The following SUDS3 variants were observed in gnomAD, a reference collection of about 807,000 sequenced individuals.
The protein encoded by SUDS3 is SIN3A corepressor complex component SDS3.
In SUDS3, 23 loss-of-function variants were observed where a neutral mutation model predicts 53.5. The ratio of observed to expected loss-of-function variants is 0.43; its 90% CI spans 0.31 to 0.61. The LOEUF is 0.61. Among genes scored for constraint, SUDS3 ranks in the 20% least tolerant of loss-of-function variants. The probability of loss-of-function intolerance (pLI) is 0.10; values close to 1 mark genes in which losing one functional copy is unlikely to be tolerated. For synonymous variants in SUDS3, 150 were observed against 148.5 expected (o/e 1.01, Z -0.08); for missense variants, 291 against 405.9 (o/e 0.72, Z 2.43).
chr12:118,403,220 C>T (rs1219605167), intron 9 of SUDS3, among the ~76,000 whole-genome samples, 192 bp from the exon 10 acceptor site: 2 of 152,170 alleles, frequency 1.3e-5, no homozygotes, highest in Non-Finnish European at 2.9e-5. Flanking sequence ...TTGCCTACTT[C>T]CCAGGGTTGC....
At chr12:118,412,015 C>T (rs559472643) in intron 11 of SUDS3, among the ~76,000 whole-genome samples, 1 of 152,346 alleles carries the variant, frequency 6.6e-6, no homozygotes, top group South Asian at 2.1e-4. Flanking sequence ...CGCCACTTGC[C>T]TGCCGTCTTT....
intron 1 of SUDS3, among the ~76,000 whole-genome samples, chr12:118,378,084 G>T (rs1042086979): frequency 3.3e-5 from 5 of 152,192 alleles, no homozygotes; most frequent in African/African-American, 1.2e-4. Flanking sequence ...ATACCCACGA[G>T]GGGGCGCTGT....
chr12:118,414,276 A>C, intron 11 of SUDS3, 59 bp from the exon 12 acceptor site: 49 of 1,237,328 alleles, frequency 4.0e-5, no homozygotes, highest in Non-Finnish European at 5.5e-5. Context: ...TTGATGGTGT[A>C]GGAGATTTGC....
In SUDS3 at chr12:118,416,114, A is replaced by T. The variant is rs2046398564; in HGVS notation, c.*1681A>T. 1 of 152,170 alleles carries T rather than the reference A, an allele frequency of 6.6e-6. No homozygotes were observed. Among genetic ancestry groups the T allele is most frequent in the Non-Finnish European group, 1.5e-5 (1 of 68,038 alleles). 9.4% of individuals were successfully genotyped at this position (152,170 alleles called of 1,614,324 possible). On this transcript the variant is annotated 3_prime_UTR_variant, in exon 12 of 12. Transcript: ENST00000543473. ...CACCTGTTCTTGTTTGTTAGCCTTG[A>T]CTGTGAGGCAGGACTTCCCTCGCTT... is the stretch of plus-strand genomic sequence containing the variant.
chr12:118,386,549 GT>G (rs909801977), intron 4 of SUDS3, among the ~76,000 whole-genome samples: 12 of 146,752 alleles, frequency 8.2e-5, no homozygotes, highest in South Asian at 2.2e-4. Flanking sequence ...CCCATTTTAA[GT>G]TTTTTTTTTT....
intron 10 of SUDS3, among the ~76,000 whole-genome samples, chr12:118,405,273 A>G (rs558949907): frequency 2.6e-5 from 4 of 152,376 alleles, no homozygotes; most frequent in Admixed American, 6.5e-5. Context: ...TGAGTCTTAA[A>G]GCCATGTGAT....
intron 10 of SUDS3, among the ~76,000 whole-genome samples, chr12:118,410,074 T>TAGCTGTTACCA (rs1182747983): frequency 6.6e-6 from 1 of 152,246 alleles, no homozygotes; most frequent in African/African-American, 2.4e-5. Context: ...TTTGCCTGAT[T>TAGCTGTTACCA]AGCTGTTACC....
chr12:118,393,609 C>T (rs484838), intron 6 of SUDS3, among the ~76,000 whole-genome samples: 63,447 of 151,764 alleles, frequency 0.42, 14,064 homozygotes, highest in Admixed American at 0.5. Context: ...AATGCAGATT[C>T]TGTTTCAGGG....
At chr12:118,382,168 T>C (rs974968086) in intron 2 of SUDS3, among the ~76,000 whole-genome samples, 2 of 152,014 alleles carry the variant, frequency 1.3e-5, no homozygotes, top group South Asian at 4.2e-4. Context: ...GCCTCCTGAG[T>C]AGCTGGGACT....
chr12:118,411,053 G>A lies in SUDS3; in HGVS notation c.804-20G>A. ...TCTCTGTCCCTCCCTTTTTAAAAAT[G>A]TGTGCCTTGTTTTTGTCAGGTACCA... On this transcript the variant is annotated intron_variant, in intron 10 of 11. Transcript: ENST00000543473. 2 of 1,590,890 alleles carry A rather than the reference G, an allele frequency of 1.3e-6. No individual in the cohort carries two copies. The highest frequency in any genetic ancestry group is 1.7e-6 in the Non-Finnish European group (2 of 1,167,766).
intron 10 of SUDS3, chr12:118,404,059 C>T (rs963746466): frequency 1.3e-5 from 2 of 152,466 alleles, no homozygotes; most frequent in Non-Finnish European, 2.9e-5. Flanking sequence ...GATCCAGCTG[C>T]AAAAGTGGTC....
At chr12:118,376,964 C>G (rs2046003161) in intron 1 of SUDS3, 131 bp downstream of exon 1, 1 of 1,202,206 alleles carries the variant, frequency 8.3e-7, no homozygotes, top group Non-Finnish European at 1.1e-6. Context: ...CCGGGAGTTG[C>G]GGGGCTCGGG....
intron 10 of SUDS3, among the ~76,000 whole-genome samples, chr12:118,409,670 C>T (rs1239734941): frequency 6.6e-6 from 1 of 152,198 alleles, no homozygotes. Flanking sequence ...ATGTGTTTTA[C>T]TAAATTTACA....
chr12:118,378,300 G>C (rs1158309050), intron 1 of SUDS3, among the ~76,000 whole-genome samples: 4 of 152,104 alleles, frequency 2.6e-5, no homozygotes, highest in Admixed American at 6.6e-5. Context: ...ATTGTATACA[G>C]TTGGCTCTGC....
In SUDS3 at chr12:118,414,409, G is replaced by C. The variant is rs1485405041; in HGVS notation, c.963G>C (p.Val321=). 5 of 1,598,248 alleles carry C rather than the reference G, an allele frequency of 3.1e-6. No individual in the cohort carries two copies. The highest frequency in any genetic ancestry group is 4.3e-6 in the Non-Finnish European group (5 of 1,172,960). The change falls in exon 12 of 12, where the codon GTG becomes GTC. Residue 321 remains valine, a synonymous_variant. Coordinates refer to ENST00000543473, the MANE Select transcript of SUDS3 (RefSeq NM_022491.3). ...GCCAGCTTCAGCGCGGGCTCTTCGT[G>C]ATCCGCCGGCGCTCAGCTGCTTGAC... The part of the protein sequence containing the change: ...YLGQLQRGLF[V]IRRRSAA
intron 1 of SUDS3, among the ~76,000 whole-genome samples, chr12:118,379,352 G>A (rs552699136): frequency 2.0e-5 from 3 of 152,162 alleles, no homozygotes; most frequent in Non-Finnish European, 2.9e-5. Flanking sequence ...CAGGAGAATC[G>A]CTTGAACCCA....
At chr12:118,410,580 T>TTTA (rs1491473858) in intron 10 of SUDS3, among the ~76,000 whole-genome samples, 254 of 133,602 alleles carry the variant, frequency 1.9e-3, no homozygotes, top group East Asian at 7.1e-3. Flanking sequence ...TATTTATTTA[T>TTTA]TTTATTTATT....
chr12:118,406,763 A>G (rs986959083), intron 10 of SUDS3, among the ~76,000 whole-genome samples: 5 of 151,810 alleles, frequency 3.3e-5, no homozygotes, highest in Non-Finnish European at 7.4e-5. Flanking sequence ...AGCACATTTT[A>G]TATCTAAACA....
chr12:118,403,358 A>C, intron 9 of SUDS3, 54 bp from the exon 10 acceptor site: 1 of 1,336,118 alleles, frequency 7.5e-7, no homozygotes, highest in Non-Finnish European at 1.1e-6. Context: ...GTTAACTGGT[A>C]GACTCGCATG....
Sources: allele counts gnomAD v4.1 joint callset (sites outside exome capture counted in the v4.1 genomes callset), GRCh38; gene constraint gnomAD v4.1.1; transcripts MANE v1.5; gene names NCBI Gene and HGNC (gene_info 2026-07-23, HGNC 2026-07-21).